Variants in PKP4 observed in about 807,000 individuals in gnomAD.
PKP4 encodes plakophilin-4.
A neutral mutation model predicts 145.1 loss-of-function variants in PKP4; 90 were observed. That is an observed-to-expected ratio of 0.62 (90% confidence interval 0.52 to 0.74). The LOEUF (loss-of-function observed/expected upper bound fraction) is 0.74, where lower values mean the gene tolerates loss of function less well. PKP4 is among the 30% of genes least tolerant of loss of function. PKP4 has a pLI of 0.00. For synonymous variants in PKP4, 563 were observed against 577.2 expected, an observed-to-expected ratio of 0.98 and a Z score of 0.35; for missense variants, 1,340 against 1,482.7, an observed-to-expected ratio of 0.90 and a Z score of 1.58.
intron 12 of PKP4, 30 bp from the exon 13 acceptor site, chr2:158,661,303 C>A: frequency 6.6e-7 from 1 of 1,512,396 alleles, no homozygotes; most frequent in Non-Finnish European, 9.2e-7. Flanking sequence ...TGGTTCATCT[C>A]AGCAGCTCCT....
intron 1 of PKP4, among the ~76,000 whole-genome samples, chr2:158,489,005 G>A (rs758715540): frequency 1.6e-4 from 24 of 152,146 alleles, no homozygotes; most frequent in Admixed American, 4.6e-4. Flanking sequence ...TTTCAGAGCC[G>A]TTATTTCGTC....
At chr2:158,482,462 C>CTTA (rs1475104994) in intron 1 of PKP4, among the ~76,000 whole-genome samples, 10 of 152,062 alleles carry the variant, frequency 6.6e-5, no homozygotes, top group Non-Finnish European at 1.3e-4. Context: ...TATGAAGTTT[C>CTTA]TTACTCTAAG....
Position 158,662,811 on chromosome 2 carries a change from TATTTC to T in PKP4, c.2212-85_2212-81del, listed in dbSNP as rs2056727321. ...AAGTAGTTCTTTCATATTTCCCATT[TATTTC>T]CTGTCTGTAGTGTTCAGTACAGAAG... On this transcript the variant is annotated intron_variant, in intron 13 of 21. Transcript: ENST00000389759. 3.1e-6 allele frequency: 3 copies of T among 979,974 alleles called. No homozygotes were observed. In the East Asian group the frequency reaches 7.5e-5, roughly 24 times the overall value. The allele number at this position is 979,974 out of a possible 1,614,324, so 60.7% of individuals were successfully genotyped here.
chr2:158,512,303 A>G (rs1261962047), intron 1 of PKP4, among the ~76,000 whole-genome samples: 8 of 152,260 alleles, frequency 5.3e-5, no homozygotes. Flanking sequence ...TTAGACATAG[A>G]CAATATCTCA....
rs558729074 is a variant in PKP4 at position 158,530,057 on chromosome 2, G to A, written c.-5-3123G>A. On this transcript the variant is annotated intron_variant, in intron 1 of 21. Coordinates refer to ENST00000389759, the MANE Select transcript of PKP4 (RefSeq NM_003628.6). ...GCCCTTATTCCAGCCACATTTCTAT[G>A]TTAATGACAATGTGATGGAGGACTT... Among the ~76,000 whole-genome samples the A allele has an allele frequency of 1.1e-4, 17 of 152,268 alleles. No homozygotes were observed. The South Asian group carries it at 3.5e-3, about 32-fold the overall frequency.
chr2:158,573,320 T>G (rs1645937121), intron 2 of PKP4, among the ~76,000 whole-genome samples: 1 of 152,202 alleles, frequency 6.6e-6, no homozygotes, highest in Non-Finnish European at 1.5e-5. Context: ...CTGTTGCCAT[T>G]TATGGCTCTC....
Position 158,678,800 on chromosome 2 carries a change from G to A in PKP4, c.3330+146G>A, listed in dbSNP as rs149337804. 2.4e-3 allele frequency: 1,654 copies of A among 678,364 alleles called. 6 individuals are homozygous for A. Among genetic ancestry groups the A allele is most frequent in the Non-Finnish European group, 3.7e-3 (1,389 of 370,784 alleles). The allele number at this position is 678,364 out of a possible 1,614,324, so 42.0% of individuals were successfully genotyped here. A position where few individuals can be genotyped will look rare whatever the true frequency, so the allele number is the denominator to read the frequency against. ...GATCTTCACTCCTTGGAAACTCAAC[G>A]TGTGGTTTAAGCAAAGCATTTCCAC... On this transcript the variant is annotated intron_variant, in intron 21 of 21. Coordinates refer to ENST00000389759, the MANE Select transcript of PKP4 (RefSeq NM_003628.6).
chr2:158,499,872 A>G (rs1696296895), intron 1 of PKP4, among the ~76,000 whole-genome samples: 2 of 152,234 alleles, frequency 1.3e-5, no homozygotes, highest in South Asian at 4.1e-4. Flanking sequence ...GAGTTTAGAG[A>G]ACAGGATGCA....
At chr2:158,655,887 T>G (rs565622864) in intron 11 of PKP4, among the ~76,000 whole-genome samples, 2 of 152,332 alleles carry the variant, frequency 1.3e-5, no homozygotes, top group South Asian at 4.1e-4. Flanking sequence ...GCAGGAAATG[T>G]TAAAGCCCAT....
At chr2:158,604,972 G>A (rs2050533586) in intron 4 of PKP4, among the ~76,000 whole-genome samples, 1 of 152,162 alleles carries the variant, frequency 6.6e-6, no homozygotes, top group South Asian at 2.1e-4. Flanking sequence ...TTCTTGGGAG[G>A]TAATGAGAGA....
At chr2:158,634,865 T>C (rs1351055069) in intron 9 of PKP4, among the ~76,000 whole-genome samples, 1 of 146,260 alleles carries the variant, frequency 6.8e-6, no homozygotes, top group Non-Finnish European at 1.5e-5. Flanking sequence ...GTTTCCTCCT[T>C]CTGATTTTAT....
At chr2:158,658,361 G>A (rs761999823) in intron 12 of PKP4, 47 bp downstream of exon 12, 2 of 1,113,450 alleles carry the variant, frequency 1.8e-6, no homozygotes, top group Non-Finnish European at 2.6e-6. Flanking sequence ...GATTAAATAT[G>A]TGTCATAGGT....
At chr2:158,542,849 C>G (rs931896140) in intron 2 of PKP4, among the ~76,000 whole-genome samples, 1 of 152,076 alleles carries the variant, frequency 6.6e-6, no homozygotes, top group Non-Finnish European at 1.5e-5. Flanking sequence ...AATGACAAAT[C>G]TAGAAAAATT....
intron 11 of PKP4, among the ~76,000 whole-genome samples, chr2:158,646,439 TCTAA>T (rs1440104488): frequency 6.6e-6 from 1 of 152,224 alleles, no homozygotes; most frequent in Non-Finnish European, 1.5e-5. Context: ...CTAAACATTG[TCTAA>T]CTAACATGAA....
chr2:158,513,250 T>G (rs1395355140), intron 1 of PKP4, among the ~76,000 whole-genome samples: 4 of 152,200 alleles, frequency 2.6e-5, no homozygotes, highest in Non-Finnish European at 5.9e-5. Flanking sequence ...ATTTCCGGTC[T>G]TATCCTCATT....
intron 1 of PKP4, among the ~76,000 whole-genome samples, chr2:158,504,716 T>C (rs1208297756): frequency 6.6e-6 from 1 of 152,230 alleles, no homozygotes; most frequent in Non-Finnish European, 1.5e-5. Context: ...GGAATATAAA[T>C]GTATCGCAAA....
chr2:158,655,727 G>A (rs760341440), intron 11 of PKP4, among the ~76,000 whole-genome samples: 26 of 152,232 alleles, frequency 1.7e-4, no homozygotes, highest in Admixed American at 6.5e-4. Flanking sequence ...AATGGCATTA[G>A]GAATCACATG....
chr2:158,478,881 T>C (rs557211143), intron 1 of PKP4, among the ~76,000 whole-genome samples: 1 of 152,366 alleles, frequency 6.6e-6, no homozygotes, highest in South Asian at 2.1e-4. Flanking sequence ...TCCTCTTCAT[T>C]ATGTTTTTAT....
intron 4 of PKP4, among the ~76,000 whole-genome samples, chr2:158,612,766 T>C (rs1027590016): frequency 3.3e-5 from 5 of 152,168 alleles, no homozygotes; most frequent in Non-Finnish European, 5.9e-5. Flanking sequence ...TTTTTAAATA[T>C]CATTATTAAC....
Sources: gnomAD v4.1 joint callset for allele counts (sites outside exome capture counted in the v4.1 genomes callset) on GRCh38, gnomAD v4.1.1 for gene constraint, MANE v1.5 for transcripts, NCBI Gene and HGNC (gene_info 2026-07-23, HGNC 2026-07-21) for gene names.